Variants in GABBR2 observed in about 807,000 individuals in gnomAD.
GABBR2 encodes the protein gamma-aminobutyric acid type B receptor subunit 2.
GABBR2 carries 23 observed loss-of-function variants against 105.6 expected under a neutral mutation model. That is an observed-to-expected ratio of 0.22 (90% CI 0.16 to 0.31). The LOEUF (loss-of-function observed/expected upper bound fraction) is 0.31, where lower values mean the gene tolerates loss of function less well. Ranked by LOEUF, GABBR2 falls within the 10% of genes least tolerant of loss-of-function variation. The pLI is 1.00. For synonymous variants in GABBR2, 478 were observed against 499.7 expected (o/e 0.96, Z 0.58); for missense variants, 734 against 1,245.5 (o/e 0.59, Z 6.18).
intron 7 of GABBR2, among the ~76,000 whole-genome samples, chr9:98,409,785 T>C (rs1446239924): frequency 6.6e-6 from 1 of 152,220 alleles, no homozygotes; most frequent in African/African-American, 2.4e-5. Flanking sequence ...GAGCTCATGA[T>C]TGCCACTGCA....
rs766979127 is a variant in GABBR2 at position 98,290,552 on chromosome 9, C to T, written c.*32G>A. The T allele has an allele frequency of 2.4e-5, 32 of 1,333,596 alleles. No individual in the cohort carries two copies. Among genetic ancestry groups the T allele is most frequent in the East Asian group, 8.6e-5 (3 of 34,696 alleles). The allele number at this position is 1,333,596 out of a possible 1,614,324, so 82.6% of individuals were successfully genotyped here. Reference sequence around the variant, plus strand: ...CCCTCTGCCCAGTGTGGTTCTGTCACGGGGGAGGCCCCGGGCCCAGGCCTC... The same window carrying T: ...CCCTCTGCCCAGTGTGGTTCTGTCATGGGGGAGGCCCCGGGCCCAGGCCTC... On this transcript the variant is annotated 3_prime_UTR_variant, in exon 19 of 19. Transcript: ENST00000259455.
intron 13 of GABBR2, among the ~76,000 whole-genome samples, chr9:98,328,857 G>T (rs1830972612): frequency 6.6e-6 from 1 of 152,154 alleles, no homozygotes; most frequent in Non-Finnish European, 1.5e-5. Flanking sequence ...GAGACAGGGG[G>T]TATGGTGGGT....
chr9:98,334,629 C>T (rs1274466248), intron 13 of GABBR2, among the ~76,000 whole-genome samples: 1 of 145,332 alleles, frequency 6.9e-6, no homozygotes, highest in East Asian at 2.1e-4. Flanking sequence ...GGGTACCAGT[C>T]CAGAGAAGGG....
At chr9:98,491,587 C>T (rs1827176392) in intron 4 of GABBR2, among the ~76,000 whole-genome samples, 1 of 152,150 alleles carries the variant, frequency 6.6e-6, no homozygotes, top group Non-Finnish European at 1.5e-5. Flanking sequence ...ACCACTGAGT[C>T]ATTCAAAGCA....
intron 6 of GABBR2, among the ~76,000 whole-genome samples, chr9:98,466,562 TGAAAAG>T (rs1300189607): frequency 6.6e-6 from 1 of 152,218 alleles, no homozygotes; most frequent in African/African-American, 2.4e-5. Flanking sequence ...GTTCCTATCC[TGAAAAG>T]GAAGAGAATT....
intron 16 of GABBR2, 142 bp from the exon 17 acceptor site, chr9:98,299,495 T>C: frequency 1.2e-6 from 1 of 834,600 alleles, no homozygotes; most frequent in Non-Finnish European, 1.9e-6. Flanking sequence ...TACTGCATTT[T>C]GGTGAGGAGA....
chr9:98,303,970 A>G (rs1263877342), intron 15 of GABBR2, among the ~76,000 whole-genome samples: 1 of 152,246 alleles, frequency 6.6e-6, no homozygotes, highest in East Asian at 1.9e-4. Context: ...AGCTACATCC[A>G]AAACATTTTG....
At chr9:98,651,761 G>A (rs888561084) in intron 1 of GABBR2, among the ~76,000 whole-genome samples, 2 of 152,178 alleles carry the variant, frequency 1.3e-5, no homozygotes. Context: ...ATGTTTAAGA[G>A]ATATGTCAAC....
At chr9:98,498,025 C>T (rs778993232) in intron 3 of GABBR2, among the ~76,000 whole-genome samples, 1 of 152,198 alleles carries the variant, frequency 6.6e-6, no homozygotes, top group Non-Finnish European at 1.5e-5. Context: ...GTGGTGTATA[C>T]AGACAGTGAA....
At chr9:98,660,877 T>A (rs1830250380) in intron 1 of GABBR2, among the ~76,000 whole-genome samples, 1 of 152,228 alleles carries the variant, frequency 6.6e-6, no homozygotes, top group Admixed American at 6.5e-5. Context: ...GGGGCCTACC[T>A]GGATGATCCA....
chr9:98,632,092 T>C (rs935353838), intron 1 of GABBR2, among the ~76,000 whole-genome samples: 16 of 152,178 alleles, frequency 1.1e-4, no homozygotes, highest in African/African-American at 3.9e-4. Flanking sequence ...CAGGGTGGTA[T>C]GTATGCCAGG....
chr9:98,338,800 A>G (rs1006530588), intron 13 of GABBR2, among the ~76,000 whole-genome samples: 3 of 152,238 alleles, frequency 2.0e-5, no homozygotes, highest in Non-Finnish European at 4.4e-5. Context: ...AAGAGAACTA[A>G]AAGCATATGT....
At chr9:98,675,055 C>T (rs773749088) in intron 1 of GABBR2, among the ~76,000 whole-genome samples, 25 of 152,162 alleles carry the variant, frequency 1.6e-4, no homozygotes, top group Non-Finnish European at 2.9e-4. Flanking sequence ...CATGTGTCTT[C>T]CCCAGGCCTC....
intron 6 of GABBR2, among the ~76,000 whole-genome samples, chr9:98,459,512 T>A (rs981130410): frequency 2.0e-5 from 3 of 152,224 alleles, no homozygotes; most frequent in Admixed American, 6.5e-5. Flanking sequence ...AGTTCTGGAC[T>A]ACCAAGGTAG....
chr9:98,533,892 A>G lies in GABBR2; in HGVS notation c.630+7981T>C, dbSNP rs561033906. ...CAGAGGAGGAGGCCTCAGAGAGACC[A>G]TAAAGGGTCTCGAGCCATGCTAAGG... On this transcript the variant is annotated intron_variant, in intron 3 of 18. Coordinates refer to ENST00000259455, the MANE Select transcript of GABBR2 (RefSeq NM_005458.8). 5.1e-3 allele frequency among the ~76,000 whole-genome samples: 780 copies of G among 152,294 alleles called. 10 individuals are homozygous for G. The highest frequency in any genetic ancestry group is 0.017 in the African/African-American group (708 of 41,576).
intron 14 of GABBR2, 77 bp downstream of exon 14, chr9:98,311,018 T>C (rs1324036128): frequency 1.3e-6 from 1 of 786,398 alleles, no homozygotes; most frequent in South Asian, 1.5e-5. Flanking sequence ...TATTTTTACA[T>C]TGATGGAGGC....
Position 98,290,287 on chromosome 9 carries a change from T to TTTTTTTTTTTC in GABBR2, c.*296_*297insGAAAAAAAAAA. 1 of 191,500 alleles carries TTTTTTTTTTTC rather than the reference T, an allele frequency of 5.2e-6. No individual in the cohort carries two copies. The highest frequency in any genetic ancestry group is 1.1e-5 in the Non-Finnish European group (1 of 93,204). The allele number at this position is 191,500 out of a possible 1,614,324, so 11.9% of individuals were successfully genotyped here. A position where few individuals can be genotyped will look rare whatever the true frequency, so the allele number is the denominator to read the frequency against. On this transcript the variant is annotated 3_prime_UTR_variant, in exon 19 of 19. Coordinates refer to ENST00000259455, the MANE Select transcript of GABBR2 (RefSeq NM_005458.8). ...TTTTTTTGTTTTTTTTTTTTTTTTT[T>TTTTTTTTTTTC]TTTTTTTGCAAGTTTGATATCCCAG...
chr9:98,388,897 C>A lies in GABBR2; in HGVS notation c.1486G>T (p.Ala496Ser). Residue 496 changes from alanine (A) to serine (S), a missense_variant, in exon 10 of 19, where the codon GCC becomes TCC. This residue lies in a region of GABBR2 where 370 missense variants were observed against 648.9 expected (regional missense o/e 0.57). Coordinates refer to ENST00000259455, the MANE Select transcript of GABBR2 (RefSeq NM_005458.8). This position sits in a 1 kb window ranked among gnomAD's most constrained non-coding sequence, Gnocchi z 4.4. The part of the protein sequence containing the change: ...SALTILGMIM[A>S]SAFLFFNIKN... Reference sequence around the variant, plus strand: ...ATGTTGAAGAAGAGAAAAGCACTGGCCATGATCATCCCGAGGATGGTGAGG... The same window carrying A: ...ATGTTGAAGAAGAGAAAAGCACTGGACATGATCATCCCGAGGATGGTGAGG... 1 of 1,613,910 alleles carries A rather than the reference C, an allele frequency of 6.2e-7. No individual in the cohort carries two copies. The highest frequency in any genetic ancestry group is 8.5e-7 in the Non-Finnish European group (1 of 1,179,848).
intron 12 of GABBR2, among the ~76,000 whole-genome samples, chr9:98,366,736 C>T (rs1177249276): frequency 6.6e-6 from 1 of 152,208 alleles, no homozygotes; most frequent in Non-Finnish European, 1.5e-5. Context: ...TGCTTCATGA[C>T]AGCTGCTAAA....
Sources: gnomAD v4.1 joint callset for allele counts (sites outside exome capture counted in the v4.1 genomes callset) on GRCh38, gnomAD v4.1.1 for gene constraint, gnomAD v4.1.1 regional missense constraint, Gnocchi (gnomAD v3.1) non-coding constraint, MANE v1.5 for transcripts, NCBI Gene and HGNC (gene_info 2026-07-23, HGNC 2026-07-21) for gene names.